CENPP: variants seen among roughly 807,000 people sequenced by gnomAD.
The protein encoded by CENPP is centromere protein P.
A neutral mutation model predicts 35.6 loss-of-function variants in CENPP; 24 were observed. That is an observed-to-expected ratio of 0.67 (90% CI 0.49 to 0.95). The LOEUF is 0.95. Among genes scored for constraint, CENPP ranks in the 40% least tolerant of loss-of-function variants. The probability of loss-of-function intolerance (pLI) is 0.00; values close to 1 mark genes in which losing one functional copy is unlikely to be tolerated. For synonymous variants in CENPP, 120 were observed against 125.5 expected, an observed-to-expected ratio of 0.96 and a Z score of 0.29; for missense variants, 332 against 345.3, an observed-to-expected ratio of 0.96 and a Z score of 0.31.
At position 92,573,217 on chromosome 9, in the gene CENPP, C is replaced by G. The variant is rs184567732; in HGVS notation, c.565-38097C>G. On this transcript the variant is annotated intron_variant, in intron 5 of 7. Transcript: ENST00000375587. The stretch of plus-strand genomic sequence containing the variant: ...TCAGCTTTTCTGCTCTGGTTTCTCC[C>G]CATCTTTGTGGTTTTATCCACCTTT... 2.0e-3 allele frequency among the ~76,000 whole-genome samples: 310 copies of G among 152,256 alleles called. 1 individual carries two copies. Among genetic ancestry groups the G allele is most frequent in the African/African-American group, 6.9e-3 (287 of 41,536 alleles).
chr9:92,326,818 C>T (rs185476328), intron 1 of CENPP, among the ~76,000 whole-genome samples: 4 of 152,276 alleles, frequency 2.6e-5, no homozygotes, highest in Admixed American at 1.3e-4. Flanking sequence ...AGAAGCCTCT[C>T]GAAAACATAA....
chr9:92,338,171 G>A (rs1013644558), intron 3 of CENPP, among the ~76,000 whole-genome samples: 1 of 152,002 alleles, frequency 6.6e-6, no homozygotes, highest in African/African-American at 2.4e-5. Flanking sequence ...AATTAGCCAG[G>A]CGTGGTGGTG....
At position 92,588,845 on chromosome 9, in the gene CENPP, G is replaced by A. The variant is rs928959506; in HGVS notation, c.565-22469G>A. Among the ~76,000 whole-genome samples, 4 of 152,252 alleles carry A rather than the reference G, an allele frequency of 2.6e-5. No individual in the cohort carries two copies. The South Asian group carries it at 8.3e-4, about 32-fold the overall frequency. On this transcript the variant is annotated intron_variant, in intron 5 of 7. Transcript: ENST00000375587. ...TTGGGCCCCAGAGTTAGGGTTGTAG[G>A]AAGATGAGAGATAAAGGCATTCTTC... is the stretch of plus-strand genomic sequence containing the variant.
At chr9:92,534,939 G>C (rs976495851) in intron 5 of CENPP, among the ~76,000 whole-genome samples, 1 of 152,074 alleles carries the variant, frequency 6.6e-6, no homozygotes, top group Non-Finnish European at 1.5e-5. Flanking sequence ...CTCTCATGAG[G>C]GTCTCAGGCA....
chr9:92,335,626 C>G (rs766787528), intron 2 of CENPP, among the ~76,000 whole-genome samples: 6 of 151,798 alleles, frequency 4.0e-5, no homozygotes, highest in Non-Finnish European at 8.8e-5. Flanking sequence ...GATCCAGCAC[C>G]TTTTGTTAAA....
At chr9:92,475,237 G>C (rs1845674062) in intron 5 of CENPP, among the ~76,000 whole-genome samples, 1 of 152,054 alleles carries the variant, frequency 6.6e-6, no homozygotes, top group Admixed American at 6.5e-5. Context: ...GGTTAAAGGG[G>C]AATAGTAAAA....
intron 5 of CENPP, among the ~76,000 whole-genome samples, chr9:92,406,832 C>A (rs1187829696): frequency 6.6e-6 from 1 of 152,190 alleles, no homozygotes; most frequent in Non-Finnish European, 1.5e-5. Flanking sequence ...TTGCAGCCTG[C>A]TTCTTCACAG....
At chr9:92,445,870 A>G (rs1369785877) in intron 5 of CENPP, among the ~76,000 whole-genome samples, 2 of 151,520 alleles carry the variant, frequency 1.3e-5, no homozygotes, top group African/African-American at 4.9e-5. Context: ...CGACAGAGCA[A>G]GATAATGTCT....
chr9:92,524,712 C>G (rs543665927), intron 5 of CENPP, among the ~76,000 whole-genome samples: 1 of 152,266 alleles, frequency 6.6e-6, no homozygotes, highest in African/African-American at 2.4e-5. Context: ...CCCCAGGGAT[C>G]ATAAGAACCC....
intron 5 of CENPP, among the ~76,000 whole-genome samples, chr9:92,518,804 G>A (rs1188210657): frequency 1.3e-5 from 2 of 152,088 alleles, no homozygotes; most frequent in Admixed American, 6.6e-5. Context: ...CATAAGAATC[G>A]CTTGAACCCA....
intron 5 of CENPP, chr9:92,414,659 G>C (rs1843534850): frequency 4.8e-6 from 1 of 209,152 alleles, no homozygotes; most frequent in Non-Finnish European, 9.7e-6. Flanking sequence ...ACAAATACCA[G>C]TGTGAAAGCT....
chr9:92,386,964 T>C lies in CENPP; in HGVS notation c.564+7105T>C, dbSNP rs947674756. Among the ~76,000 whole-genome samples the C allele has an allele frequency of 2.0e-5, 3 of 147,854 alleles. No homozygotes were observed. In the East Asian group the frequency reaches 6.0e-4, roughly 30 times the overall value. On this transcript the variant is annotated intron_variant, in intron 5 of 7. Transcript: ENST00000375587. Reference sequence around the variant, plus strand: ...TCGGGAGGCTGAGGCAGGAGAATGCTGTGAACCCAGGAGGCAGAGCTTGCA... The same window carrying C: ...TCGGGAGGCTGAGGCAGGAGAATGCCGTGAACCCAGGAGGCAGAGCTTGCA...
At chr9:92,569,075 CTTTAG>C (rs1010196112) in intron 5 of CENPP, among the ~76,000 whole-genome samples, 5 of 152,272 alleles carry the variant, frequency 3.3e-5, no homozygotes, top group African/African-American at 1.2e-4. Flanking sequence ...TGCAGAAGCA[CTTTAG>C]TTTAGTAGAT....
rs1228802118 is a variant in CENPP at position 92,618,482 on chromosome 9, C to A, written c.*5333C>A. On this transcript the variant is annotated 3_prime_UTR_variant, in exon 8 of 8. Transcript: ENST00000375587. ...CGGCCTTTCACAGCCCACCTAAGGG[C>A]ACCCTGCATCCAAGCACATTTCCAT... 4.4e-6 allele frequency: 2 copies of A among 456,688 alleles called. No individual in the cohort carries two copies. Among genetic ancestry groups the A allele is most frequent in the Admixed American group, 4.7e-5 (2 of 42,576 alleles). The allele number at this position is 456,688 out of a possible 1,614,324, so 28.3% of individuals were successfully genotyped here.
intron 5 of CENPP, among the ~76,000 whole-genome samples, chr9:92,415,652 A>G (rs1368097889): frequency 6.6e-6 from 1 of 150,656 alleles, no homozygotes; most frequent in African/African-American, 2.4e-5. Flanking sequence ...AAATTAAATT[A>G]TGAGTTTTAT....
At chr9:92,336,181 T>C (rs1840921631) in intron 2 of CENPP, among the ~76,000 whole-genome samples, 1 of 152,228 alleles carries the variant, frequency 6.6e-6, no homozygotes, top group Non-Finnish European at 1.5e-5. Context: ...TCTGATAGTT[T>C]CCTCTTGATG....
chr9:92,584,184 A>C (rs1421937167), intron 5 of CENPP, among the ~76,000 whole-genome samples: 2 of 152,126 alleles, frequency 1.3e-5, no homozygotes, highest in Non-Finnish European at 2.9e-5. Flanking sequence ...AGCAATACAA[A>C]TTACTTTCCA....
intron 5 of CENPP, among the ~76,000 whole-genome samples, chr9:92,509,663 G>A (rs1049873818): frequency 7.2e-5 from 11 of 152,248 alleles, no homozygotes; most frequent in Non-Finnish European, 1.6e-4. Context: ...ATAAGAACCT[G>A]GAATCATTGA....
intron 5 of CENPP, among the ~76,000 whole-genome samples, chr9:92,608,372 C>T (rs529526927): frequency 1.3e-5 from 2 of 152,272 alleles, no homozygotes; most frequent in Admixed American, 6.5e-5. Flanking sequence ...GGAAAGCATT[C>T]GAAAATATAC....
Sources: allele counts gnomAD v4.1 joint callset (sites outside exome capture counted in the v4.1 genomes callset), GRCh38; gene constraint gnomAD v4.1.1; transcripts MANE v1.5; gene names NCBI Gene and HGNC (gene_info 2026-07-23, HGNC 2026-07-21).